RIMS2: variants seen among roughly 807,000 people sequenced by gnomAD.
RIMS2 encodes regulating synaptic membrane exocytosis 2.
In RIMS2, 59 loss-of-function variants were observed where a neutral mutation model predicts 174.4. That is an observed-to-expected ratio of 0.34 (90% CI 0.27 to 0.42). The LOEUF is 0.42. Ranked by LOEUF, RIMS2 falls within the 10% of genes least tolerant of loss-of-function variation. The probability of loss-of-function intolerance (pLI) is 1.00; values close to 1 mark genes in which losing one functional copy is unlikely to be tolerated. For synonymous variants in RIMS2, 606 were observed against 572.5 expected (o/e 1.06, Z -0.84); for missense variants, 1,620 against 1,666.3 (o/e 0.97, Z 0.48).
chr8:103,600,259 T>TTTTCTTTC (rs71575973), intron 1 of RIMS2, among the ~76,000 whole-genome samples: 30 of 151,288 alleles, frequency 2.0e-4, no homozygotes, highest in African/African-American at 3.2e-4. Context: ...AAATGCTACA[T>TTTTCTTTC]TTTCTTTCTT....
exon 3 of RIMS2, chr8:103,766,241 T>C: frequency 6.2e-7 from 1 of 1,611,902 alleles, no homozygotes; most frequent in Non-Finnish European, 8.5e-7. Flanking sequence ...TGTGGGTATG[T>C]AATTTGTGCC....
intron 2 of RIMS2, among the ~76,000 whole-genome samples, chr8:103,719,424 C>T (rs945477690): frequency 2.0e-5 from 3 of 152,166 alleles, no homozygotes; most frequent in African/African-American, 4.8e-5. Context: ...TGATTTTCTT[C>T]AGAAATGCAG....
intron 3 of RIMS2, among the ~76,000 whole-genome samples, chr8:103,811,066 G>A (rs555710830): frequency 1.3e-5 from 2 of 152,176 alleles, no homozygotes; most frequent in African/African-American, 2.4e-5. Context: ...TGCAAGTTTA[G>A]GTGTGAGTTC....
chr8:104,023,568 C>T (rs2096168053), intron 19 of RIMS2, among the ~76,000 whole-genome samples: 1 of 152,112 alleles, frequency 6.6e-6, no homozygotes, highest in Non-Finnish European at 1.5e-5. Context: ...TTTCTATTAA[C>T]TAATACAGGG....
chr8:103,747,751 A>C (rs1046946067), intron 2 of RIMS2, among the ~76,000 whole-genome samples: 2 of 152,154 alleles, frequency 1.3e-5, no homozygotes, highest in Admixed American at 1.3e-4. Context: ...GTAAGTTGCC[A>C]TTAACTGTTA....
chr8:103,915,633 C>G, intron 7 of RIMS2, 39 bp downstream of exon 10: 1 of 1,040,076 alleles, frequency 9.6e-7, no homozygotes, highest in South Asian at 1.5e-5. Context: ...TTAAACCATT[C>G]AACTTTAGTA....
intron 15 of RIMS2, among the ~76,000 whole-genome samples, chr8:103,964,301 G>C (rs2091141135): frequency 6.6e-6 from 1 of 152,170 alleles, no homozygotes; most frequent in African/African-American, 2.4e-5. Context: ...TGTTGAATGA[G>C]AGCTCCTGTT....
intron 1 of RIMS2, among the ~76,000 whole-genome samples, chr8:103,571,759 G>A (rs2092825706): frequency 6.6e-6 from 1 of 152,154 alleles, no homozygotes; most frequent in Non-Finnish European, 1.5e-5. Context: ...ATAGGTAACT[G>A]GATTCAGAGC....
chr8:103,936,694 G>A (rs868696973), exon 13 of RIMS2: 13 of 1,608,428 alleles, frequency 8.1e-6, no homozygotes, highest in Admixed American at 5.1e-5. Context: ...GCTCGTGTTC[G>A]AGAGGAAGAA....
intron 17 of RIMS2, among the ~76,000 whole-genome samples, chr8:103,998,026 A>G (rs2095208875): frequency 6.6e-6 from 1 of 151,668 alleles, no homozygotes; most frequent in Admixed American, 6.6e-5. Flanking sequence ...TATTACAGTG[A>G]ACATTGGGAG....
At chr8:103,851,260 G>T (rs961470100) in intron 3 of RIMS2, among the ~76,000 whole-genome samples, 1 of 151,832 alleles carries the variant, frequency 6.6e-6, no homozygotes, top group Non-Finnish European at 1.5e-5. Flanking sequence ...TTTTAAAATG[G>T]TTGTGAATAT....
chr8:103,587,444 GAAAGAAAGAAAGAAAGAAAGAAAGA>G (rs1344481204), intron 1 of RIMS2, among the ~76,000 whole-genome samples: 22 of 124,634 alleles, frequency 1.8e-4, no homozygotes, highest in Admixed American at 3.8e-4. Flanking sequence ...AAGAAAGAAA[GAAAGAAAGAAAGAAAGAAAGAAAGA>G]AACTATGCAC....
At chr8:104,152,562 T>C (rs767133719) in intron 19 of RIMS2, among the ~76,000 whole-genome samples, 1 of 152,066 alleles carries the variant, frequency 6.6e-6, no homozygotes, top group Non-Finnish European at 1.5e-5. Flanking sequence ...AATCATAAGC[T>C]CCAAAAGTAT....
chr8:103,501,346 T>C, intron 1 of RIMS2: 1 of 193,126 alleles, frequency 5.2e-6, no homozygotes, highest in Non-Finnish European at 1.1e-5. Context: ...TCGCTGGTCA[T>C]CTTGGCTCCG....
At chr8:104,077,470 T>A (rs1353263428) in intron 19 of RIMS2, among the ~76,000 whole-genome samples, 1 of 151,604 alleles carries the variant, frequency 6.6e-6, no homozygotes, top group Non-Finnish European at 1.5e-5. Flanking sequence ...ATGATTTGTC[T>A]TTTTTGCAAA....
At chr8:104,227,283 T>G (rs1344133479) in intron 19 of RIMS2, among the ~76,000 whole-genome samples, 1 of 151,666 alleles carries the variant, frequency 6.6e-6, no homozygotes, top group Non-Finnish European at 1.5e-5. Context: ...CTGAGGTTTT[T>G]TTTTTTTTTA....
chr8:103,715,890 T>A (rs1303162114), intron 2 of RIMS2, among the ~76,000 whole-genome samples: 1 of 152,142 alleles, frequency 6.6e-6, no homozygotes, highest in Non-Finnish European at 1.5e-5. Context: ...AATTAAACAT[T>A]GATGCTATGT....
At chr8:103,815,117 G>C (rs1013989204) in intron 3 of RIMS2, among the ~76,000 whole-genome samples, 1 of 152,078 alleles carries the variant, frequency 6.6e-6, no homozygotes, top group Admixed American at 6.5e-5. Context: ...CTTACCCAGA[G>C]ATAATCAATA....
chr8:104,184,069 C>T (rs1326538610), intron 19 of RIMS2, among the ~76,000 whole-genome samples: 2 of 151,514 alleles, frequency 1.3e-5, no homozygotes, highest in African/African-American at 4.8e-5. Context: ...GTTGTCCACA[C>T]ACCCCACAAA....
Sources: gnomAD v4.1 joint callset for allele counts (sites outside exome capture counted in the v4.1 genomes callset) on GRCh38, gnomAD v4.1.1 for gene constraint, MANE v1.5 for transcripts, NCBI Gene and HGNC (gene_info 2026-07-23, HGNC 2026-07-21) for gene names.